Variants in SORCS1 observed in about 807,000 individuals in gnomAD.
SORCS1 encodes sortilin related VPS10 domain containing receptor 1.
SORCS1 carries 60 observed loss-of-function variants against 146.1 expected under a neutral mutation model. The observed-to-expected ratio is 0.41, with a 90% CI of 0.33 to 0.51. The LOEUF (loss-of-function observed/expected upper bound fraction) is 0.51. SORCS1 is among the 20% of genes least tolerant of loss of function. SORCS1 has a pLI of 0.21. For synonymous variants in SORCS1, 637 were observed against 584.0 expected (o/e 1.09, Z -1.31); for missense variants, 1,352 against 1,487.6 (o/e 0.91, Z 1.50).
intron 1 of SORCS1, among the ~76,000 whole-genome samples, chr10:106,964,568 C>T (rs1367138369): frequency 6.6e-6 from 1 of 152,088 alleles, no homozygotes; most frequent in Non-Finnish European, 1.5e-5. Flanking sequence ...CTCACTGCAA[C>T]CTCTGCCTCC....
At chr10:106,956,716 C>T in intron 1 of SORCS1, 136 bp from the exon 2 acceptor site, 2 of 699,798 alleles carry the variant, frequency 2.9e-6, no homozygotes, top group South Asian at 3.8e-5. Context: ...GCATTTGCCA[C>T]ACTGACTGGG....
chr10:106,715,066 T>C (rs1257117803), intron 6 of SORCS1, among the ~76,000 whole-genome samples: 2 of 152,184 alleles, frequency 1.3e-5, no homozygotes, highest in Non-Finnish European at 2.9e-5. Context: ...CCCTTTCTCC[T>C]CCTAATGGAA....
intron 24 of SORCS1, among the ~76,000 whole-genome samples, chr10:106,584,417 C>A (rs1228130517): frequency 6.6e-6 from 1 of 152,170 alleles, no homozygotes; most frequent in African/African-American, 2.4e-5. Flanking sequence ...GCAGCTCTGG[C>A]GTCCTGGGTT....
At chr10:106,870,828 A>G (rs1332231284) in intron 2 of SORCS1, among the ~76,000 whole-genome samples, 5 of 152,184 alleles carry the variant, frequency 3.3e-5, no homozygotes, top group African/African-American at 1.2e-4. Context: ...CAAAGCAAAC[A>G]TTGACAAATT....
chr10:106,636,216 C>T (rs1447198559), intron 18 of SORCS1, among the ~76,000 whole-genome samples: 2 of 151,774 alleles, frequency 1.3e-5, no homozygotes, highest in Non-Finnish European at 2.9e-5. Context: ...GCCATGATTG[C>T]ACCACTGCAC....
At position 106,574,724 on chromosome 10, in the gene SORCS1, GAAC is replaced by G. The variant is rs1173578550; in HGVS notation, c.*2693_*2695del. On this transcript the variant is annotated 3_prime_UTR_variant, in exon 26 of 26. Transcript: ENST00000263054. ...TGCTGATCCAGGTACCACACTTTGA[GAAC>G]AACTGGCCAAGGTCCTAAGAACAAT... 1.3e-5 allele frequency: 2 copies of G among 152,144 alleles called. No homozygotes were observed. The highest frequency in any genetic ancestry group is 2.9e-5 in the Non-Finnish European group (2 of 68,024). 9.4% of individuals were successfully genotyped at this position (152,144 alleles called of 1,614,324 possible). A position where few individuals can be genotyped will look rare whatever the true frequency, so the allele number is the denominator to read the frequency against.
intron 1 of SORCS1, among the ~76,000 whole-genome samples, chr10:107,010,137 G>A (rs1589920322): frequency 6.6e-6 from 1 of 152,174 alleles, no homozygotes; most frequent in African/African-American, 2.4e-5. Flanking sequence ...TCAAATGTTT[G>A]TTCATCAATA....
intron 2 of SORCS1, among the ~76,000 whole-genome samples, chr10:106,849,251 A>G (rs1949442353): frequency 6.6e-6 from 1 of 150,758 alleles, no homozygotes; most frequent in Admixed American, 6.6e-5. Flanking sequence ...GTCTTTTCAC[A>G]TAGTCCCATA....
chr10:106,573,834 T>C lies in SORCS1; in HGVS notation c.*3586A>G, dbSNP rs1387322417. 1 of 152,174 alleles carries C rather than the reference T, an allele frequency of 6.6e-6. No individual in the cohort carries two copies. Among genetic ancestry groups the C allele is most frequent in the Non-Finnish European group, 1.5e-5 (1 of 67,994 alleles). 9.4% of individuals were successfully genotyped at this position (152,174 alleles called of 1,614,324 possible). ...ATTAGCCTTTATGAAATCCTATACA[T>C]GCAACACTTCTATATTTAGAATGAA... On this transcript the variant is annotated 3_prime_UTR_variant, in exon 26 of 26. Coordinates refer to ENST00000263054, the MANE Select transcript of SORCS1 (RefSeq NM_052918.5).
chr10:106,988,133 G>C (rs1034012956), intron 1 of SORCS1, among the ~76,000 whole-genome samples: 9 of 152,182 alleles, frequency 5.9e-5, no homozygotes, highest in African/African-American at 1.9e-4. Context: ...ATCAACAGAA[G>C]TAGTGGGAAA....
intron 1 of SORCS1, among the ~76,000 whole-genome samples, chr10:107,146,011 T>A (rs1020625132): frequency 1.3e-5 from 2 of 152,232 alleles, no homozygotes; most frequent in Admixed American, 6.5e-5. Flanking sequence ...GGGGCAAGCA[T>A]CCTGGTTTTC....
intron 1 of SORCS1, among the ~76,000 whole-genome samples, chr10:107,010,003 T>C (rs765069502): frequency 4.6e-5 from 7 of 152,222 alleles, no homozygotes; most frequent in African/African-American, 1.7e-4. Flanking sequence ...ATTTGAACTG[T>C]TGAAAAACTT....
chr10:107,044,146 T>G (rs1286226325), intron 1 of SORCS1, among the ~76,000 whole-genome samples: 2 of 152,130 alleles, frequency 1.3e-5, no homozygotes, highest in East Asian at 3.9e-4. Context: ...AATCAGGAGA[T>G]CTTTCTTTTT....
intron 3 of SORCS1, among the ~76,000 whole-genome samples, chr10:106,823,014 C>T (rs1411571385): frequency 6.6e-6 from 1 of 151,978 alleles, no homozygotes; most frequent in Non-Finnish European, 1.5e-5. Flanking sequence ...AACTCCCGAC[C>T]TCAGGTGATC....
the SORCS1 span, among the ~76,000 whole-genome samples, chr10:107,170,519 T>C: frequency 1.5e-3 from 226 of 152,320 alleles, 4 homozygotes; most frequent in South Asian, 0.023. Flanking sequence ...ATGAATGAGG[T>C]TAATATAAAG....
At chr10:106,739,227 T>G (rs918661697) in intron 5 of SORCS1, among the ~76,000 whole-genome samples, 2 of 152,198 alleles carry the variant, frequency 1.3e-5, no homozygotes, top group Non-Finnish European at 2.9e-5. Context: ...GGCTCATGCC[T>G]GTAATCCTAG....
chr10:107,091,655 C>T (rs993131351), intron 1 of SORCS1, among the ~76,000 whole-genome samples: 1 of 152,186 alleles, frequency 6.6e-6, no homozygotes, highest in East Asian at 1.9e-4. Context: ...GAATAAGTCA[C>T]CGAGATTCAA....
intron 2 of SORCS1, among the ~76,000 whole-genome samples, chr10:106,848,231 T>C (rs371742639): frequency 1.6e-5 from 1 of 61,756 alleles, no homozygotes; most frequent in African/African-American, 6.0e-5. Flanking sequence ...AGTCTCTTTG[T>C]AGGTCACTCA....
chr10:106,620,484 A>C lies in SORCS1; in HGVS notation c.2740T>G (p.Trp914Gly). 6.2e-7 allele frequency: 1 copy of C among 1,614,154 alleles called. No homozygotes were observed. The highest frequency in any genetic ancestry group is 8.5e-7 in the Non-Finnish European group (1 of 1,179,974). The change falls in exon 20 of 26, where the codon TGG (tryptophan) becomes GGG (glycine). Residue 914 changes from tryptophan (W) to glycine (G), a missense_variant. By Grantham distance (184) the Trp-to-Gly change is radical. Transcript: ENST00000263054. ...NKEVNATAVL[W>G]PSQVGTLTYV... ...GTGAGGGTGCCCACTTGGCTGGGCC[A>C]CAGCACTGCCGTCGCATTGACCTCT...
Sources: allele counts gnomAD v4.1 joint callset (sites outside exome capture counted in the v4.1 genomes callset), GRCh38; gene constraint gnomAD v4.1.1; transcripts MANE v1.5; gene names NCBI Gene and HGNC (gene_info 2026-07-23, HGNC 2026-07-21).